THAP6: variants seen among roughly 807,000 people sequenced by gnomAD.
The protein encoded by THAP6 is THAP domain containing 6.
Under a neutral mutation model 20.0 loss-of-function variants are expected in THAP6, and 13 were observed. That is an observed-to-expected ratio of 0.65 (90% CI 0.42 to 1.03). The LOEUF is 1.03. Ranked by LOEUF, THAP6 falls within the 50% of genes least tolerant of loss-of-function variation. The pLI is 0.00. For missense variants in THAP6, 262 were observed against 261.6 expected, an observed-to-expected ratio of 1.00 and a Z score of -0.01; for synonymous variants, 93 against 92.2, an observed-to-expected ratio of 1.01 and a Z score of -0.05.
rs1726448797 is a variant in THAP6, at chr4:75,527,384, T to G, written c.*170T>G. On this transcript the variant is annotated 3_prime_UTR_variant, in exon 5 of 5. Coordinates refer to ENST00000311638, the MANE Select transcript of THAP6 (RefSeq NM_144721.6). The stretch of plus-strand genomic sequence containing the variant: ...GACTTTTTTGAAAATATGCAGAAAT[T>G]TGTGGTAATTATGTATTTGTGTCTT... The G allele has an allele frequency of 7.0e-7, 1 of 1,420,320 alleles. No individual in the cohort carries two copies. The highest frequency in any genetic ancestry group is 2.9e-5 in the Admixed American group (1 of 34,222). 88.0% of individuals were successfully genotyped at this position (1,420,320 alleles called of 1,614,324 possible). A position where few individuals can be genotyped will look rare whatever the true frequency, so the allele number is the denominator to read the frequency against.
chr4:75,515,633 C>T, intron 2 of THAP6, 101 bp downstream of exon 2: 6 of 1,080,214 alleles, frequency 5.6e-6, no homozygotes, highest in Non-Finnish European at 8.4e-6. Context: ...GTTCCCGAGT[C>T]CTTTTTAAAT....
In THAP6 at chr4:75,529,470, A is replaced by G. The variant is rs1362447954; in HGVS notation, c.*2256A>G. 28 of 985,356 alleles carry G rather than the reference A, an allele frequency of 2.8e-5. No individual in the cohort carries two copies. Among genetic ancestry groups the G allele is most frequent in the Non-Finnish European group, 3.3e-5 (27 of 829,950 alleles). The allele number at this position is 985,356 out of a possible 1,614,324, so 61.0% of individuals were successfully genotyped here. A position where few individuals can be genotyped will look rare whatever the true frequency, so the allele number is the denominator to read the frequency against. ...CTGTGTGCAAAATATTGGTATCATT[A>G]AGGACCCAGAGCTGCCCATTTTCTC... On this transcript the variant is annotated 3_prime_UTR_variant, in exon 5 of 5. Coordinates refer to ENST00000311638, the MANE Select transcript of THAP6 (RefSeq NM_144721.6).
chr4:75,520,463 A>G (rs1007597524), intron 3 of THAP6, among the ~76,000 whole-genome samples: 6 of 152,206 alleles, frequency 3.9e-5, no homozygotes, highest in Non-Finnish European at 7.3e-5. Flanking sequence ...CTTTGGTTCC[A>G]TATCCTTGAT....
intron 4 of THAP6, among the ~76,000 whole-genome samples, chr4:75,523,427 T>C (rs1307006582): frequency 2.0e-5 from 3 of 152,220 alleles, no homozygotes; most frequent in Non-Finnish European, 4.4e-5. Context: ...GATTGTTTCC[T>C]TTGCTGTGCA....
At chr4:75,530,176 G>C (rs1726633679), downstream of THAP6, 3 of 601,750 alleles carry the variant, frequency 5.0e-6, no homozygotes, top group African/African-American at 2.0e-5. Context: ...TAGCAGGCCA[G>C]CTTTCAGCAC....
chr4:75,517,049 C>T (rs920240529), intron 3 of THAP6, 70 bp downstream of exon 3: 28 of 1,157,946 alleles, frequency 2.4e-5, no homozygotes, highest in Middle Eastern at 2.9e-4. Context: ...GATAGAGTCT[C>T]GCTCTGTCAC....
At chr4:75,534,383 C>G (rs566358525), downstream of THAP6, among the ~76,000 whole-genome samples, 149 of 152,258 alleles carry the variant, frequency 9.8e-4, no homozygotes, top group African/African-American at 3.5e-3. Flanking sequence ...AACTGGATCC[C>G]TTCCTGACAC....
chr4:75,524,815 G>A (rs1047839248), intron 4 of THAP6, among the ~76,000 whole-genome samples: 1 of 151,938 alleles, frequency 6.6e-6, no homozygotes, highest in African/African-American at 2.4e-5. Flanking sequence ...GAGTGCAGTG[G>A]CACACTCACA....
intron 2 of THAP6, chr4:75,540,072 C>G: frequency 8.0e-7 from 1 of 1,242,476 alleles, no homozygotes. Flanking sequence ...CCTCTTCATC[C>G]TCTCACTCCA....
chr4:75,529,272 AAATTCT>A lies in THAP6; in HGVS notation c.*2060_*2065del. ...GGGTAGATCCAAACACAGTATGTCTAAATTCTAGCACTCTACTGGCTGCTTAGAATA... is the reference window on the plus strand; with the variant it reads ...GGGTAGATCCAAACACAGTATGTCTAAGCACTCTACTGGCTGCTTAGAATA... On this transcript the variant is annotated 3_prime_UTR_variant, in exon 5 of 5. Transcript: ENST00000311638. 2 of 985,050 alleles carry A rather than the reference AAATTCT, an allele frequency of 2.0e-6. No individual in the cohort carries two copies. Among genetic ancestry groups the A allele is most frequent in the Non-Finnish European group, 2.4e-6 (2 of 829,750 alleles). The allele number at this position is 985,050 out of a possible 1,614,324, so 61.0% of individuals were successfully genotyped here.
In THAP6 at chr4:75,535,098, C is replaced by T. The variant is rs199563134; in HGVS notation, c.166-7311C>T. ...AATCAGGCTGCTATAAAGACACATG[C>T]ACACGTATGAGAAACTCCTGTTTTT... is the stretch of plus-strand genomic sequence containing the variant. On this transcript the variant is annotated intron_variant, in intron 2 of 4. Coordinates refer to the THAP6 transcript ENST00000502620. Among the ~76,000 whole-genome samples the T allele has an allele frequency of 2.0e-5, 3 of 152,322 alleles. No homozygotes were observed. In the East Asian group the frequency reaches 5.8e-4, roughly 29 times the overall value.
At chr4:75,542,763 G>A in intron 3 of THAP6, 1 of 283,572 alleles carries the variant, frequency 3.5e-6, no homozygotes, top group Non-Finnish European at 6.6e-6. Flanking sequence ...TGGAGACCCA[G>A]AGACTTTGAT....
chr4:75,535,012 G>A (rs1726810809), downstream of THAP6, among the ~76,000 whole-genome samples: 1 of 152,180 alleles, frequency 6.6e-6, no homozygotes, highest in East Asian at 1.9e-4. Context: ...CAGGGATCTA[G>A]AACTAGAAAT....
Position 75,516,847 on chromosome 4 carries a change from T to C in THAP6, c.156T>C (p.Ile52=). ...MKRLDVNAAG[I]WEPKKGDVLC... ...GACTTGATGTGAATGCAGCCGGCAT[T>C]TGGGAGCCTAAAAAAGGAGATGTGT... The change falls in exon 3 of 5, where the codon ATT becomes ATC. Residue 52 remains isoleucine (I), a synonymous_variant. Coordinates refer to ENST00000311638, the MANE Select transcript of THAP6 (RefSeq NM_144721.6). The C allele has an allele frequency of 3.7e-6, 6 of 1,614,078 alleles. No individual in the cohort carries two copies. Among genetic ancestry groups the C allele is most frequent in the Non-Finnish European group, 5.1e-6 (6 of 1,180,000 alleles).
chr4:75,531,430 T>G (rs940057801), downstream of THAP6, among the ~76,000 whole-genome samples: 7 of 152,238 alleles, frequency 4.6e-5, no homozygotes, highest in Middle Eastern at 3.2e-3. Context: ...TGATTGTGCT[T>G]CTTCTTTGTA....
chr4:75,525,948 A>C (rs1048947834), intron 4 of THAP6, among the ~76,000 whole-genome samples: 12 of 152,134 alleles, frequency 7.9e-5, no homozygotes, highest in African/African-American at 2.9e-4. Flanking sequence ...TACTCCATGG[A>C]ATACTCAAAG....
At chr4:75,539,847 A>G in intron 2 of THAP6, 1 of 1,536,058 alleles carries the variant, frequency 6.5e-7, no homozygotes, top group Non-Finnish European at 8.7e-7. Flanking sequence ...TTTAAATTCC[A>G]TCCCATCCCA....
intron 3 of THAP6, among the ~76,000 whole-genome samples, chr4:75,518,603 C>T (rs1725812195): frequency 6.6e-6 from 1 of 152,168 alleles, no homozygotes; most frequent in South Asian, 2.1e-4. Flanking sequence ...CTAGAATGCC[C>T]TTCCCAGGGT....
In THAP6 at chr4:75,521,860, T is replaced by G. The variant is rs368339156; in HGVS notation, c.413T>G (p.Phe138Cys). The change falls in exon 4 of 5, where the codon TTT becomes TGT. Residue 138 changes from phenylalanine to cysteine, a missense_variant and splice_region_variant. Transcript: ENST00000311638. ...CIEEFQSQFI[F>C]EHSYSVMDSP... ...GAAGAATTCCAATCCCAGTTCATTT[T>G]TGTAAGTAAATTACTTGCTGAGCTC... 34 of 1,613,396 alleles carry G rather than the reference T, an allele frequency of 2.1e-5. No individual in the cohort carries two copies. The highest frequency in any genetic ancestry group is 2.8e-5 in the Non-Finnish European group (33 of 1,179,618).
Sources: gnomAD v4.1 joint callset for allele counts (sites outside exome capture counted in the v4.1 genomes callset) on GRCh38, gnomAD v4.1.1 for gene constraint, MANE v1.5 for transcripts, NCBI Gene and HGNC (gene_info 2026-07-23, HGNC 2026-07-21) for gene names.